The following ST3GAL1 variants were observed in gnomAD, a reference collection of about 807,000 sequenced individuals.
ST3GAL1 encodes ST3 beta-galactoside alpha-2,3-sialyltransferase 1.
A neutral mutation model predicts 34.1 loss-of-function variants in ST3GAL1; 16 were observed. The observed-to-expected ratio is 0.47, with a 90% confidence interval of 0.32 to 0.71. The LOEUF (loss-of-function observed/expected upper bound fraction) is 0.71. Among genes scored for constraint, ST3GAL1 ranks in the 30% least tolerant of loss-of-function variants. The pLI is 0.04. For missense variants in ST3GAL1, 353 were observed against 447.4 expected (o/e 0.79, Z 1.90); for synonymous variants, 191 against 184.7 (o/e 1.03, Z -0.28).
chr8:133,534,427 C>T (rs768386343), intron 2 of ST3GAL1, among the ~76,000 whole-genome samples: 4 of 152,052 alleles, frequency 2.6e-5, no homozygotes, highest in Non-Finnish European at 4.4e-5. Context: ...TTCAGACACA[C>T]TGGCTTTGGG....
At chr8:133,492,201 C>A (rs1402042550) in intron 3 of ST3GAL1, among the ~76,000 whole-genome samples, 1 of 152,080 alleles carries the variant, frequency 6.6e-6, no homozygotes, top group Admixed American at 6.5e-5. Flanking sequence ...CAGAGCCTGT[C>A]CCTGGGGGTC....
intron 2 of ST3GAL1, among the ~76,000 whole-genome samples, chr8:133,503,374 C>A (rs1415279360): frequency 6.6e-6 from 1 of 152,168 alleles, no homozygotes; most frequent in Middle Eastern, 3.2e-3. Context: ...TTCTCATCTG[C>A]AAAACAGGGA....
At chr8:133,512,583 T>C (rs773939176) in intron 2 of ST3GAL1, among the ~76,000 whole-genome samples, 2 of 152,064 alleles carry the variant, frequency 1.3e-5, no homozygotes, top group Admixed American at 6.6e-5. Flanking sequence ...CATACCATCA[T>C]CTCGGAGGCC....
At chr8:133,513,608 G>C (rs965423097) in intron 2 of ST3GAL1, among the ~76,000 whole-genome samples, 4 of 152,048 alleles carry the variant, frequency 2.6e-5, no homozygotes, top group African/African-American at 9.7e-5. Context: ...TCTAGAAAAA[G>C]GTTTTGGCTG....
rs778299366 is a variant in ST3GAL1, at chr8:133,556,472, C to A, written c.-581-10546G>T. The stretch of plus-strand genomic sequence containing the variant: ...CTGTACAGCTGTCCTCTGGGCCCAG[C>A]ATATATTGTTCTGTCCGCTCAGAGT... On this transcript the variant is annotated intron_variant, in intron 1 of 9. Transcript: ENST00000522652. This position sits in a 1 kb window ranked among gnomAD's most constrained non-coding sequence, Gnocchi z 8.9. 4.6e-5 allele frequency among the ~76,000 whole-genome samples: 7 copies of A among 152,168 alleles called. No homozygotes were observed. Among genetic ancestry groups the A allele is most frequent in the Non-Finnish European group, 1.0e-4 (7 of 68,036 alleles).
intron 2 of ST3GAL1, among the ~76,000 whole-genome samples, chr8:133,512,466 C>T (rs1041819820): frequency 2.6e-5 from 4 of 152,224 alleles, no homozygotes; most frequent in African/African-American, 9.6e-5. Flanking sequence ...TCTCCCAGTC[C>T]ACTGACTCAA....
At chr8:133,525,281 G>A (rs1817933946) in intron 2 of ST3GAL1, among the ~76,000 whole-genome samples, 2 of 152,298 alleles carry the variant, frequency 1.3e-5, no homozygotes. Flanking sequence ...TCATCCCAAA[G>A]AGTCAAGGAG....
At chr8:133,531,856 T>C (rs1377116209) in intron 2 of ST3GAL1, among the ~76,000 whole-genome samples, 2 of 146,884 alleles carry the variant, frequency 1.4e-5, no homozygotes, top group East Asian at 4.0e-4. Flanking sequence ...TCTTAACCAC[T>C]GTACTGCGGT....
At chr8:133,483,126 G>C (rs1050748811) in intron 3 of ST3GAL1, among the ~76,000 whole-genome samples, 1 of 152,162 alleles carries the variant, frequency 6.6e-6, no homozygotes, top group Non-Finnish European at 1.5e-5. Flanking sequence ...CGGATCACTC[G>C]AGGTCAGGAG....
chr8:133,557,491 A>G (rs1208049783), intron 1 of ST3GAL1, among the ~76,000 whole-genome samples: 1 of 152,162 alleles, frequency 6.6e-6, no homozygotes, highest in East Asian at 1.9e-4. Context: ...CCTCCTATCC[A>G]GGTTCTGCCT....
intron 1 of ST3GAL1, among the ~76,000 whole-genome samples, chr8:133,552,439 G>C (rs534237210): frequency 2.0e-4 from 31 of 152,328 alleles, no homozygotes; most frequent in African/African-American, 7.2e-4. Flanking sequence ...AGAGCCGTTG[G>C]CTGGGCTGCA....
At chr8:133,567,817 G>A (rs1458981677) in intron 1 of ST3GAL1, among the ~76,000 whole-genome samples, 1 of 152,192 alleles carries the variant, frequency 6.6e-6, no homozygotes, top group Non-Finnish European at 1.5e-5. Context: ...GGGTTTTGAG[G>A]ATGATGCTGG....
rs536904281 is a variant in ST3GAL1, at chr8:133,523,682, C to T, written c.-429+22092G>A. 3.3e-5 allele frequency among the ~76,000 whole-genome samples: 5 copies of T among 152,282 alleles called. No individual in the cohort carries two copies. In the South Asian group the frequency reaches 1.0e-3, roughly 32 times the overall value. On this transcript the variant is annotated intron_variant, in intron 2 of 9. Coordinates refer to ENST00000522652, the MANE Select transcript of ST3GAL1 (RefSeq NM_173344.3). ...AAGAGGTCAGCACCATTCCTAGGTA[C>T]CAGATTTATGACCAATTGACAAATG... is the stretch of plus-strand genomic sequence containing the variant.
At chr8:133,510,678 A>T (rs1036821780) in intron 2 of ST3GAL1, among the ~76,000 whole-genome samples, 11 of 152,232 alleles carry the variant, frequency 7.2e-5, no homozygotes, top group African/African-American at 2.7e-4. Context: ...ATTAAAATGG[A>T]ATAAAATTTA....
At chr8:133,527,291 A>G (rs2978013) in intron 2 of ST3GAL1, among the ~76,000 whole-genome samples, 3,721 of 152,210 alleles carry the variant, frequency 0.024, 75 homozygotes, top group Middle Eastern at 0.061. Flanking sequence ...CCCAGCTTCA[A>G]ATTCTGCCTC....
rs1818863178 is a variant in ST3GAL1, at chr8:133,551,603, A to AAAGAAAGAAAGAAAGG, written c.-581-5678_-581-5677insCCTTTCTTTCTTTCTT. ...GAAAGAAAGAAAGAAAGAAAGAAAG[A>AAAGAAAGAAAGAAAGG]AAGAAAGAAAGAAAGAGCGAGCAAG... On this transcript the variant is annotated intron_variant, in intron 1 of 9. Transcript: ENST00000522652. Among the ~76,000 whole-genome samples, 76 of 149,602 alleles carry AAAGAAAGAAAGAAAGG rather than the reference A, an allele frequency of 5.1e-4. 1 individual carries two copies. Among genetic ancestry groups the AAAGAAAGAAAGAAAGG allele is most frequent in the African/African-American group, 1.8e-3 (73 of 39,566 alleles).
chr8:133,569,025 C>A (rs984618818), intron 1 of ST3GAL1, among the ~76,000 whole-genome samples: 3 of 152,342 alleles, frequency 2.0e-5, no homozygotes, highest in South Asian at 4.1e-4. Flanking sequence ...CCGCCTGCTG[C>A]TGCAGAGCTT....
chr8:133,526,182 G>A (rs115420645), intron 2 of ST3GAL1, among the ~76,000 whole-genome samples: 15,567 of 152,186 alleles, frequency 0.1, 1,562 homozygotes, highest in African/African-American at 0.26. Flanking sequence ...GGCAGCCTGC[G>A]TTCAGGCAAG....
At chr8:133,504,049 G>A (rs142751337) in intron 2 of ST3GAL1, among the ~76,000 whole-genome samples, 20 of 152,286 alleles carry the variant, frequency 1.3e-4, no homozygotes, top group Non-Finnish European at 2.1e-4. Context: ...GAACTTCACT[G>A]GGTTCCTGTG....
Sources: gnomAD v4.1 joint callset for allele counts (sites outside exome capture counted in the v4.1 genomes callset) on GRCh38, gnomAD v4.1.1 for gene constraint, Gnocchi (gnomAD v3.1) non-coding constraint, MANE v1.5 for transcripts, NCBI Gene and HGNC (gene_info 2026-07-23, HGNC 2026-07-21) for gene names.